The following PKHD1 variants were observed in gnomAD, a reference collection of about 807,000 sequenced individuals.
PKHD1 encodes fibrocystin.
Under a neutral mutation model 412.0 loss-of-function variants are expected in PKHD1, and 291 were observed. That is an observed-to-expected ratio of 0.71 (90% CI 0.64 to 0.78). The LOEUF is 0.78. Among genes scored for constraint, PKHD1 ranks in the 30% least tolerant of loss-of-function variants. PKHD1 has a pLI of 0.00. For synonymous variants in PKHD1, 1,777 were observed against 1,821.5 expected (o/e 0.98, Z 0.62); for missense variants, 4,825 against 4,950.7 (o/e 0.97, Z 0.76).
At chr6:51,893,322 T>C (rs927442394) in intron 43 of PKHD1, among the ~76,000 whole-genome samples, 1 of 152,242 alleles carries the variant, frequency 6.6e-6, no homozygotes, top group African/African-American at 2.4e-5. Flanking sequence ...TTTCCCTGAA[T>C]AAATGGGTTT....
In PKHD1 at chr6:51,787,362, G is replaced by GAAAAA. The variant is rs568684500; in HGVS notation, c.8440+3869_8440+3873dup. Reference sequence around the variant, plus strand: ...CAATAAGAGCAAAACTCCATCTCAAGAAAAAAAAAAAAAAGCAGGATCACC... The same window carrying GAAAAA: ...CAATAAGAGCAAAACTCCATCTCAAGAAAAAAAAAAAAAAAAAAAGCAGGATCACC... On this transcript the variant is annotated intron_variant, in intron 53 of 66. Transcript: ENST00000371117. Among the ~76,000 whole-genome samples, 91 of 133,844 alleles carry GAAAAA rather than the reference G, an allele frequency of 6.8e-4. 7 individuals are homozygous for GAAAAA. The highest frequency in any genetic ancestry group is 4.7e-3 in the South Asian group (20 of 4,280). 87.8% of individuals were successfully genotyped at this position (133,844 alleles called of 152,430 possible). A position where few individuals can be genotyped will look rare whatever the true frequency, so the allele number is the denominator to read the frequency against.
chr6:52,001,636 T>C (rs1386210657), intron 35 of PKHD1, among the ~76,000 whole-genome samples: 4 of 152,066 alleles, frequency 2.6e-5, no homozygotes, highest in Non-Finnish European at 5.9e-5. Flanking sequence ...TTTCACCGTG[T>C]TAGCCAGGAT....
At chr6:51,668,675 T>G (rs1211512182) in intron 60 of PKHD1, among the ~76,000 whole-genome samples, 3 of 152,244 alleles carry the variant, frequency 2.0e-5, no homozygotes, top group African/African-American at 4.8e-5. Context: ...TGATATTGGC[T>G]GTGGGTTTTT....
chr6:51,797,424 G>A (rs2894790), intron 52 of PKHD1, among the ~76,000 whole-genome samples: 52,421 of 151,936 alleles, frequency 0.35, 11,136 homozygotes, highest in East Asian at 0.67. Context: ...CTATTATTGT[G>A]TGGGAATCTA....
chr6:52,027,532 C>CAAAAAAAAAAAAA (rs1229066296), intron 31 of PKHD1, among the ~76,000 whole-genome samples: 1 of 83,882 alleles, frequency 1.2e-5, no homozygotes, highest in Non-Finnish European at 2.2e-5. Flanking sequence ...AACTCCGTCT[C>CAAAAAAAAAAAAA]AAAAAAAAAA....
At chr6:51,639,230 C>T (rs760529487) in intron 63 of PKHD1, among the ~76,000 whole-genome samples, 6 of 152,198 alleles carry the variant, frequency 3.9e-5, no homozygotes, top group South Asian at 2.1e-4. Flanking sequence ...CTATAAAATA[C>T]GCTATTATCT....
chr6:51,951,863 A>G (rs114610186), intron 36 of PKHD1, among the ~76,000 whole-genome samples: 1 of 152,336 alleles, frequency 6.6e-6, no homozygotes, highest in African/African-American at 2.4e-5. Context: ...CCTATAAGCC[A>G]TATTAAGTTT....
chr6:51,771,384 G>T (rs999733683), intron 55 of PKHD1, among the ~76,000 whole-genome samples: 1 of 152,096 alleles, frequency 6.6e-6, no homozygotes, highest in Admixed American at 6.6e-5. Flanking sequence ...GCCTTTGGGA[G>T]GCCAAGACGG....
At chr6:51,693,761 T>C (rs1162367392) in intron 60 of PKHD1, among the ~76,000 whole-genome samples, 1 of 152,190 alleles carries the variant, frequency 6.6e-6, no homozygotes, top group Non-Finnish European at 1.5e-5. Context: ...CCAGATGACA[T>C]GTACTGAGTG....
At position 52,018,541 on chromosome 6, in the gene PKHD1, G is replaced by A. The variant is rs143710498; in HGVS notation, c.5381-912C>T. Among the ~76,000 whole-genome samples the A allele has an allele frequency of 1.6e-3, 250 of 152,052 alleles. 1 individual carries two copies. Among genetic ancestry groups the A allele is most frequent in the East Asian group, 0.016 (82 of 5,192 alleles). On this transcript the variant is annotated intron_variant, in intron 33 of 66. Coordinates refer to ENST00000371117, the MANE Select transcript of PKHD1 (RefSeq NM_138694.4). The stretch of plus-strand genomic sequence containing the variant: ...TATTATTATTATTATTATTTTTTGA[G>A]ACAGAGTTTCGCTGTGTTGCCCAGG...
intron 65 of PKHD1, among the ~76,000 whole-genome samples, chr6:51,631,080 C>T (rs561083227): frequency 6.6e-6 from 1 of 152,184 alleles, no homozygotes; most frequent in South Asian, 2.1e-4. Flanking sequence ...TTCTCTAGAG[C>T]TTAGGATTAA....
intron 64 of PKHD1, 93 bp downstream of exon 64, chr6:51,638,756 G>C: frequency 1.3e-6 from 1 of 780,148 alleles, no homozygotes; most frequent in Non-Finnish European, 2.2e-6. Flanking sequence ...TCTTATTCAT[G>C]ATAGTAGCTA....
rs1395266130 is a variant in PKHD1 at position 52,055,576 on chromosome 6, C to T, written c.1836+11G>A. 6.2e-6 allele frequency: 10 copies of T among 1,613,820 alleles called. No individual in the cohort carries two copies. Among genetic ancestry groups the T allele is most frequent in the Non-Finnish European group, 6.8e-6 (8 of 1,179,866 alleles). On this transcript the variant is annotated intron_variant, in intron 19 of 66. Coordinates refer to ENST00000371117, the MANE Select transcript of PKHD1 (RefSeq NM_138694.4). ...CCCACCTGACCCAGAAGCACAAAGA[C>T]TGCTACTCACGTGTGTATACTGATC...
At chr6:52,068,156 C>T (rs1810034641) in intron 11 of PKHD1, among the ~76,000 whole-genome samples, 2 of 152,206 alleles carry the variant, frequency 1.3e-5, no homozygotes, top group African/African-American at 4.8e-5. Context: ...AGGATAAGCA[C>T]CACTTTGTCA....
intron 64 of PKHD1, 60 bp downstream of exon 64, chr6:51,638,788 GA>G (rs1391339513): frequency 5.2e-6 from 5 of 963,506 alleles, no homozygotes; most frequent in Non-Finnish European, 7.9e-6. Flanking sequence ...AGGGAGAAAG[GA>G]TTATCTTCTC....
At chr6:52,038,293 T>C (rs1804258553) in intron 27 of PKHD1, among the ~76,000 whole-genome samples, 1 of 151,308 alleles carries the variant, frequency 6.6e-6, no homozygotes, top group African/African-American at 2.4e-5. Context: ...GAGAATTGCT[T>C]GAATCTGGCA....
intron 60 of PKHD1, among the ~76,000 whole-genome samples, chr6:51,742,370 A>G (rs1030299332): frequency 1.3e-4 from 20 of 152,252 alleles, no homozygotes; most frequent in African/African-American, 4.6e-4. Context: ...ATAAATGTTA[A>G]AAAGTATAAA....
At chr6:51,939,355 T>A (rs1415421177) in intron 36 of PKHD1, among the ~76,000 whole-genome samples, 1 of 151,402 alleles carries the variant, frequency 6.6e-6, no homozygotes, top group African/African-American at 2.4e-5. Context: ...TGACCCCTTC[T>A]CTCCGTGTCT....
Position 51,728,360 on chromosome 6 carries a change from T to G in PKHD1, c.10156+16025A>C, listed in dbSNP as rs138549684. ...ACCTTATACCTCTCAGCCCCCACAC[T>G]TCTTCTGCATTCCAAATCTTTCCTT... On this transcript the variant is annotated intron_variant, in intron 60 of 66. Coordinates refer to ENST00000371117, the MANE Select transcript of PKHD1 (RefSeq NM_138694.4). Among the ~76,000 whole-genome samples, 548 of 152,264 alleles carry G rather than the reference T, an allele frequency of 3.6e-3. 9 individuals carry two copies. In the East Asian group the frequency reaches 0.049, roughly 14 times the overall value.
Sources: gnomAD v4.1 joint callset for allele counts (sites outside exome capture counted in the v4.1 genomes callset) on GRCh38, gnomAD v4.1.1 for gene constraint, MANE v1.5 for transcripts, NCBI Gene and HGNC (gene_info 2026-07-23, HGNC 2026-07-21) for gene names.